Variants in LRP1B observed in about 807,000 individuals in gnomAD.
The protein encoded by LRP1B is low-density lipoprotein receptor-related protein 1B.
A neutral mutation model predicts 556.6 loss-of-function variants in LRP1B; 217 were observed. That is an observed-to-expected ratio of 0.39 (90% CI 0.35 to 0.44). The LOEUF (loss-of-function observed/expected upper bound fraction) is 0.44. LRP1B is among the 20% of genes least tolerant of loss of function. The pLI, the probability that LRP1B is intolerant of heterozygous loss-of-function variation, is 1.00. For synonymous variants in LRP1B, 2,047 were observed against 1,865.8 expected (o/e 1.10, Z -2.50); for missense variants, 5,053 against 5,620.8 (o/e 0.90, Z 3.23).
At chr2:140,657,564 T>TACAC (rs1559036464) in intron 41 of LRP1B, among the ~76,000 whole-genome samples, 1 of 124,394 alleles carries the variant, frequency 8.0e-6, no homozygotes, top group Non-Finnish European at 1.8e-5. Context: ...TATATATATA[T>TACAC]ACACATACAT....
At chr2:140,832,877 C>CCAGAA (rs1691764558) in intron 31 of LRP1B, among the ~76,000 whole-genome samples, 2 of 5,644 alleles carry the variant, frequency 3.5e-4, no homozygotes, top group Admixed American at 7.6e-3. Flanking sequence ...TTCAAAATAG[C>CCAGAA]TAGAAGAGAT....
At position 141,101,414 on chromosome 2, in the gene LRP1B, T is replaced by C. The variant is rs146902826; in HGVS notation, c.1014-39141A>G. 4.3e-3 allele frequency among the ~76,000 whole-genome samples: 662 copies of C among 152,218 alleles called. 7 individuals are homozygous for C. Among genetic ancestry groups the C allele is most frequent in the Admixed American group, 0.029 (441 of 15,274 alleles). On this transcript the variant is annotated intron_variant, in intron 7 of 90. Transcript: ENST00000389484. ...ACTGAATAAAGGGAAAAGAAAGAAG[T>C]TTAAATATAACATGAAACTGTAGTT...
intron 7 of LRP1B, among the ~76,000 whole-genome samples, chr2:141,144,907 C>T (rs905751064): frequency 6.6e-6 from 1 of 152,166 alleles, no homozygotes; most frequent in Non-Finnish European, 1.5e-5. Flanking sequence ...TAACTAACTA[C>T]AGACTAAATG....
chr2:140,741,941 C>T lies in LRP1B; in HGVS notation c.5759-25125G>A, dbSNP rs527295394. On this transcript the variant is annotated intron_variant, in intron 35 of 90. Coordinates refer to ENST00000389484, the MANE Select transcript of LRP1B (RefSeq NM_018557.3). ...CATGTCACTGCAAAGGACATGATCT[C>T]ATTCTTTGTTATGGCTGCATCATAT... Among the ~76,000 whole-genome samples, 6 of 152,278 alleles carry T rather than the reference C, an allele frequency of 3.9e-5. 1 individual carries two copies. In the South Asian group the frequency reaches 1.2e-3, roughly 32 times the overall value.
chr2:141,392,687 A>T (rs1291551964), intron 3 of LRP1B, among the ~76,000 whole-genome samples: 1 of 152,142 alleles, frequency 6.6e-6, no homozygotes. Context: ...CTTTAATCTC[A>T]CTGGTATTTT....
intron 89 of LRP1B, among the ~76,000 whole-genome samples, chr2:140,235,597 G>T (rs2104876160): frequency 6.6e-6 from 1 of 151,108 alleles, no homozygotes; most frequent in African/African-American, 2.4e-5. Flanking sequence ...AGTCATCTAA[G>T]TCATATTTGA....
chr2:140,379,674 G>A (rs1015889344), intron 67 of LRP1B, among the ~76,000 whole-genome samples: 7 of 152,060 alleles, frequency 4.6e-5, no homozygotes, highest in East Asian at 1.9e-4. Flanking sequence ...CAGCCTGGGC[G>A]ACAAAGCAAG....
intron 35 of LRP1B, among the ~76,000 whole-genome samples, chr2:140,728,864 C>T (rs1189696346): frequency 2.0e-5 from 3 of 151,926 alleles, no homozygotes; most frequent in African/African-American, 7.3e-5. Context: ...TTTTTAGTGT[C>T]TGAATAAAAT....
chr2:141,551,558 A>G (rs972739171), intron 2 of LRP1B, among the ~76,000 whole-genome samples: 1 of 152,074 alleles, frequency 6.6e-6, no homozygotes, highest in Admixed American at 6.6e-5. Context: ...CTGGTCGAAC[A>G]ATTTTGGCAA....
chr2:140,878,205 T>C (rs554213337), intron 25 of LRP1B, among the ~76,000 whole-genome samples: 1 of 152,210 alleles, frequency 6.6e-6, no homozygotes, highest in South Asian at 2.1e-4. Context: ...ACTTTAATAT[T>C]TCTGTAATAA....
At chr2:141,715,583 G>A (rs1692555519) in intron 2 of LRP1B, among the ~76,000 whole-genome samples, 1 of 152,176 alleles carries the variant, frequency 6.6e-6, no homozygotes, top group Non-Finnish European at 1.5e-5. Context: ...GGGAGGCTGA[G>A]GCAGCCGGAT....
chr2:141,035,198 A>T (rs1698495671), intron 11 of LRP1B, among the ~76,000 whole-genome samples: 1 of 149,848 alleles, frequency 6.7e-6, no homozygotes, highest in Admixed American at 6.6e-5. Flanking sequence ...CACTCTGGTG[A>T]CTGTTGTGGG....
chr2:141,788,640 T>C (rs979697861), intron 2 of LRP1B, among the ~76,000 whole-genome samples: 2 of 151,978 alleles, frequency 1.3e-5, no homozygotes, highest in African/African-American at 4.8e-5. Flanking sequence ...TGTTAACTCA[T>C]CATTTAACAT....
intron 2 of LRP1B, among the ~76,000 whole-genome samples, chr2:141,572,840 G>A (rs1008845953): frequency 1.3e-5 from 2 of 151,992 alleles, no homozygotes; most frequent in Non-Finnish European, 2.9e-5. Flanking sequence ...AAGATCAAAA[G>A]AGACAAAAAA....
Position 140,238,149 on chromosome 2 carries a change from T to C in LRP1B, c.13560+3A>G, listed in dbSNP as rs1680793546. Reference sequence around the variant, plus strand: ...CACTGCCCATTATCTTAAGACATACTACCTTTGTTGGGTCTATCATAAAGC... The same window carrying C: ...CACTGCCCATTATCTTAAGACATACCACCTTTGTTGGGTCTATCATAAAGC... On this transcript the variant is annotated splice_donor_region_variant and intron_variant, in intron 89 of 90. Coordinates refer to ENST00000389484, the MANE Select transcript of LRP1B (RefSeq NM_018557.3). 5 of 1,597,636 alleles carry C rather than the reference T, an allele frequency of 3.1e-6. No individual in the cohort carries two copies. The highest frequency in any genetic ancestry group is 4.3e-6 in the Non-Finnish European group (5 of 1,170,906).
At chr2:141,034,404 C>T (rs1216932057) in intron 11 of LRP1B, among the ~76,000 whole-genome samples, 1 of 151,886 alleles carries the variant, frequency 6.6e-6, no homozygotes, top group Non-Finnish European at 1.5e-5. Flanking sequence ...AAAGAAACTA[C>T]CATCAGAGTG....
At chr2:141,244,089 T>C (rs1683981881) in intron 5 of LRP1B, among the ~76,000 whole-genome samples, 1 of 152,178 alleles carries the variant, frequency 6.6e-6, no homozygotes, top group African/African-American at 2.4e-5. Context: ...ATCATGATAC[T>C]GTTCTATGTT....
In LRP1B at chr2:141,106,547, G is replaced by T. The variant is rs553290035; in HGVS notation, c.1014-44274C>A. 7.4e-5 allele frequency among the ~76,000 whole-genome samples: 11 copies of T among 147,902 alleles called. No homozygotes were observed. In the South Asian group the frequency reaches 2.4e-3, roughly 32 times the overall value. On this transcript the variant is annotated intron_variant, in intron 7 of 90. Coordinates refer to ENST00000389484, the MANE Select transcript of LRP1B (RefSeq NM_018557.3). ...GAAGAATTCAGAAGTAAATAGACAT[G>T]TCTGGAATGCATGCATATCCAAACT... is the stretch of plus-strand genomic sequence containing the variant.
At chr2:141,238,790 A>G (rs1683752676) in intron 5 of LRP1B, among the ~76,000 whole-genome samples, 1 of 152,120 alleles carries the variant, frequency 6.6e-6, no homozygotes, top group South Asian at 2.1e-4. Context: ...GATGAATCCA[A>G]TGTTTTGGCT....
Sources: gnomAD v4.1 joint callset for allele counts (sites outside exome capture counted in the v4.1 genomes callset) on GRCh38, gnomAD v4.1.1 for gene constraint, MANE v1.5 for transcripts, NCBI Gene and HGNC (gene_info 2026-07-23, HGNC 2026-07-21) for gene names.